GANC: variants seen among roughly 807,000 people sequenced by gnomAD.
GANC encodes neutral alpha-glucosidase C.
Under a neutral mutation model 124.2 loss-of-function variants are expected in GANC, and 117 were observed. The observed-to-expected ratio is 0.94, with a 90% confidence interval of 0.81 to 1.10. The LOEUF is 1.10. Ranked by LOEUF, GANC falls within the 50% of genes least tolerant of loss-of-function variation. GANC has a pLI of 0.00. For synonymous variants in GANC, 377 were observed against 376.8 expected (o/e 1.00, Z -0.01); for missense variants, 1,140 against 1,095.0 (o/e 1.04, Z -0.58).
At chr15:42,311,406 CA>C (rs781281844) in intron 10 of GANC, among the ~76,000 whole-genome samples, 1 of 152,028 alleles carries the variant, frequency 6.6e-6, no homozygotes, top group Non-Finnish European at 1.5e-5. Flanking sequence ...AAAGAATCCA[CA>C]AAAAAATTAC....
intron 19 of GANC, 65 bp downstream of exon 19, chr15:42,343,219 G>A (rs2052340633): frequency 8.7e-6 from 12 of 1,380,468 alleles, no homozygotes; most frequent in African/African-American, 1.4e-5. Flanking sequence ...TTTCTTTTAG[G>A]AAAGAGATTT....
Position 42,310,393 on chromosome 15 carries a change from G to C in GANC, c.833G>C (p.Arg278Thr), listed in dbSNP as rs747893395. ...VPYLLAHKLG[R>T]TIGIFWLNAS... ...TATCTCCTGGCCCACAAACTGGGCA[G>C]AACTATAGGTATTTTCTGGCTGAAT... Residue 278 changes from arginine to threonine, a missense_variant, in exon 9 of 24, where the codon AGA becomes ACA. Physicochemically the swap from Arg to Thr is moderately conservative, Grantham distance 71. Transcript: ENST00000318010. 1 of 1,613,938 alleles carries C rather than the reference G, an allele frequency of 6.2e-7. No homozygotes were observed. Among genetic ancestry groups the C allele is most frequent in the South Asian group, 1.1e-5 (1 of 91,064 alleles).
intron 6 of GANC, among the ~76,000 whole-genome samples, chr15:42,303,704 C>T (rs1339874139): frequency 1.4e-5 from 2 of 143,698 alleles, no homozygotes; most frequent in East Asian, 4.0e-4. Context: ...GGGTTGAAAT[C>T]TTAGTCTCTG....
chr15:42,353,556 T>A lies in GANC; in HGVS notation c.*1417T>A. 1 of 984,806 alleles carries A rather than the reference T, an allele frequency of 1.0e-6. No individual in the cohort carries two copies. Among genetic ancestry groups the A allele is most frequent in the Non-Finnish European group, 1.2e-6 (1 of 829,000 alleles). The allele number at this position is 984,806 out of a possible 1,614,324, so 61.0% of individuals were successfully genotyped here. On this transcript the variant is annotated 3_prime_UTR_variant, in exon 24 of 24. Coordinates refer to ENST00000318010, the MANE Select transcript of GANC (RefSeq NM_198141.3). ...GATTGTATGTCCCTCAAGAGCATGTTCTGTTTCTCTTCTGTCTGACAGAGC... is the reference window on the plus strand; with the variant it reads ...GATTGTATGTCCCTCAAGAGCATGTACTGTTTCTCTTCTGTCTGACAGAGC...
chr15:42,335,787 A>G (rs1437220304), intron 15 of GANC, among the ~76,000 whole-genome samples: 1 of 152,214 alleles, frequency 6.6e-6, no homozygotes, highest in Non-Finnish European at 1.5e-5. Context: ...TACAAAATCA[A>G]CATATAATAA....
chr15:42,348,272 C>A, intron 21 of GANC, 56 bp downstream of exon 21: 1 of 1,074,508 alleles, frequency 9.3e-7, no homozygotes, highest in Admixed American at 1.9e-5. Context: ...CAGTGATAGC[C>A]TTTTGAGTGT....
chr15:42,294,402 T>C (rs1479368145), intron 5 of GANC, among the ~76,000 whole-genome samples: 2 of 150,884 alleles, frequency 1.3e-5, no homozygotes, highest in East Asian at 3.9e-4. Flanking sequence ...GGTGAAACCC[T>C]GTCTCTAGTA....
At chr15:42,277,729 T>A (rs1036170839) in intron 2 of GANC, among the ~76,000 whole-genome samples, 1 of 151,708 alleles carries the variant, frequency 6.6e-6, no homozygotes, top group Non-Finnish European at 1.5e-5. Flanking sequence ...GCCTCCCGAC[T>A]AGCTGGGATT....
intron 6 of GANC, among the ~76,000 whole-genome samples, chr15:42,300,569 A>G (rs1303004468): frequency 2.0e-5 from 3 of 152,212 alleles, no homozygotes; most frequent in Admixed American, 6.5e-5. Context: ...AACCAGAAAT[A>G]CCATTTGGCC....
At chr15:42,306,694 T>C in intron 7 of GANC, 82 bp downstream of exon 7, 1 of 943,448 alleles carries the variant, frequency 1.1e-6, no homozygotes, top group Non-Finnish European at 1.6e-6. Flanking sequence ...CCTTGATCTC[T>C]GGCACCTAAA....
chr15:42,277,992 A>G, intron 2 of GANC: 1 of 339,610 alleles, frequency 2.9e-6, no homozygotes, highest in Non-Finnish European at 6.3e-6. Flanking sequence ...TATACAGTAT[A>G]GCTTTCTAAC....
chr15:42,305,988 A>C (rs2051991556), intron 6 of GANC, among the ~76,000 whole-genome samples: 1 of 151,234 alleles, frequency 6.6e-6, no homozygotes, highest in Admixed American at 6.6e-5. Flanking sequence ...GTAATACCTA[A>C]TGTAGATGAT....
chr15:42,294,409 A>G (rs997046541), intron 5 of GANC, among the ~76,000 whole-genome samples: 4 of 150,994 alleles, frequency 2.6e-5, no homozygotes, highest in Non-Finnish European at 5.9e-5. Flanking sequence ...CCCTGTCTCT[A>G]GTAAAAATAC....
chr15:42,293,460 A>G (rs1165775593), intron 5 of GANC, among the ~76,000 whole-genome samples: 2 of 152,182 alleles, frequency 1.3e-5, no homozygotes, highest in African/African-American at 2.4e-5. Context: ...AACGTATTAT[A>G]TGATCTGCAG....
intron 15 of GANC, among the ~76,000 whole-genome samples, chr15:42,337,131 A>T (rs1312172274): frequency 2.0e-5 from 3 of 152,218 alleles, no homozygotes; most frequent in Admixed American, 6.5e-5. Context: ...TCCCATTACT[A>T]GGTATATACC....
At chr15:42,325,432 T>C (rs945080052) in intron 11 of GANC, among the ~76,000 whole-genome samples, 2 of 152,180 alleles carry the variant, frequency 1.3e-5, no homozygotes, top group Non-Finnish European at 2.9e-5. Context: ...GAAGTGATGG[T>C]ATTGTAAAGT....
chr15:42,350,325 C>CAGCGAGTCATCTTTTATTATTATT (rs1566963142), intron 22 of GANC, among the ~76,000 whole-genome samples: 1 of 151,878 alleles, frequency 6.6e-6, no homozygotes, highest in African/African-American at 2.4e-5. Flanking sequence ...CCACTCCGCC[C>CAGCGAGTCATCTTTTATTATTATT]ATCTCCCCGA....
In GANC at chr15:42,352,038, G is replaced by A; in HGVS notation, c.2644G>A (p.Asp882Asn). Reference protein sequence around the residue: ...SVTTHSSDGKDQPVAFTYCAK... With the variant: ...SVTTHSSDGKNQPVAFTYCAK... ...ATTGTCTTGCTATTTAGATGGTAAA[G>A]ATCAGCCTGTGGCTTTTACGTATTG... Residue 882 changes from aspartate (D) to asparagine (N), a missense_variant, in exon 24 of 24, where the codon GAT becomes AAT. Physicochemically the swap from Asp to Asn is conservative, Grantham distance 23. Coordinates refer to ENST00000318010, the MANE Select transcript of GANC (RefSeq NM_198141.3). The A allele has an allele frequency of 6.2e-7, 1 of 1,614,124 alleles. No individual in the cohort carries two copies. Among genetic ancestry groups the A allele is most frequent in the Non-Finnish European group, 8.5e-7 (1 of 1,179,986 alleles).
intron 3 of GANC, among the ~76,000 whole-genome samples, chr15:42,280,731 A>G (rs1255190987): frequency 6.6e-6 from 1 of 152,206 alleles, no homozygotes; most frequent in Non-Finnish European, 1.5e-5. Context: ...GCACCTGGTC[A>G]TGAAGACGTG....
Sources: gnomAD v4.1 joint callset for allele counts (sites outside exome capture counted in the v4.1 genomes callset) on GRCh38, gnomAD v4.1.1 for gene constraint, MANE v1.5 for transcripts, NCBI Gene and HGNC (gene_info 2026-07-23, HGNC 2026-07-21) for gene names.